IVNS1ABP: variants seen among roughly 807,000 people sequenced by gnomAD.
The protein encoded by IVNS1ABP is influenza virus NS1A-binding protein.
Under a neutral mutation model 78.9 loss-of-function variants are expected in IVNS1ABP, and 25 were observed. The ratio of observed to expected loss-of-function variants is 0.32; its 90% confidence interval spans 0.23 to 0.44. IVNS1ABP has a LOEUF of 0.44. Ranked by LOEUF, IVNS1ABP falls within the 20% of genes least tolerant of loss-of-function variation. IVNS1ABP has a pLI of 1.00. For missense variants in IVNS1ABP, 494 were observed against 768.9 expected (o/e 0.64, Z 4.23); for synonymous variants, 241 against 259.7 (o/e 0.93, Z 0.69).
rs1665524848 is a variant in IVNS1ABP at position 185,299,899 on chromosome 1, A to G, written c.1502-16T>C. 1 of 1,613,600 alleles carries G rather than the reference A, an allele frequency of 6.2e-7. No individual in the cohort carries two copies. The highest frequency in any genetic ancestry group is 8.5e-7 in the Non-Finnish European group (1 of 1,179,734). On this transcript the variant is annotated splice_polypyrimidine_tract_variant and intron_variant, in intron 13 of 14. Coordinates refer to ENST00000367498, the MANE Select transcript of IVNS1ABP (RefSeq NM_006469.5). ...TGGTGTCTCCCTACAAGAAAAGTCA[A>G]GTCAAGATTATTGCTACATCTCCCA...
At chr1:185,306,958 T>C (rs1665754976) in intron 7 of IVNS1ABP, 56 bp downstream of exon 7, 1 of 1,571,648 alleles carries the variant, frequency 6.4e-7, no homozygotes, top group South Asian at 1.1e-5. Context: ...GAATCCTTCA[T>C]GTTATAGCAA....
At chr1:185,300,822 C>T in intron 10 of IVNS1ABP, 150 bp downstream of exon 10, 1 of 697,668 alleles carries the variant, frequency 1.4e-6, no homozygotes, top group East Asian at 2.7e-5. Flanking sequence ...AGACATTGAA[C>T]TGAAGGTTAG....
At position 185,307,512 on chromosome 1, in the gene IVNS1ABP, ACTC is replaced by A. The variant is rs1321758960; in HGVS notation, c.505_507del (p.Glu169del). On this transcript the variant is annotated inframe_deletion, in exon 6 of 15. Transcript: ENST00000367498. ...ACCTTTAGCCTTGGAAGCTTAAGAAACTCCTCCTCTTCAGAAATTTGTAACAAA... is the reference window on the plus strand; with the variant it reads ...ACCTTTAGCCTTGGAAGCTTAAGAAACTCCTCTTCAGAAATTTGTAACAAA... The A allele has an allele frequency of 2.5e-6, 4 of 1,612,660 alleles. No individual in the cohort carries two copies. Among genetic ancestry groups the A allele is most frequent in the Non-Finnish European group, 1.7e-6 (2 of 1,179,466 alleles).
intron 7 of IVNS1ABP, chr1:185,306,718 G>A: frequency 9.8e-7 from 1 of 1,023,194 alleles, no homozygotes; most frequent in African/African-American, 1.7e-5. Flanking sequence ...GAAAAATTAA[G>A]AATCTACAGA....
Position 185,316,946 on chromosome 1 carries a change from GT to G in IVNS1ABP, c.-247+6del. Reference sequence around the variant, plus strand: ...CATCTGTCGTTCGTAGAACCAGCGCGTATTACCTGGTTCATCTCTGAAGAGA... The same window carrying G: ...CATCTGTCGTTCGTAGAACCAGCGCGATTACCTGGTTCATCTCTGAAGAGA... On this transcript the variant is annotated splice_donor_region_variant and intron_variant, in intron 1 of 14. Coordinates refer to ENST00000367498, the MANE Select transcript of IVNS1ABP (RefSeq NM_006469.5). 2.5e-6 allele frequency: 1 copy of G among 398,522 alleles called. No homozygotes were observed. The highest frequency in any genetic ancestry group is 6.3e-4 in the Middle Eastern group (1 of 1,588). The allele number at this position is 398,522 out of a possible 1,614,324, so 24.7% of individuals were successfully genotyped here.
chr1:185,301,386 T>C, intron 9 of IVNS1ABP, 48 bp downstream of exon 9: 6 of 1,603,826 alleles, frequency 3.7e-6, no homozygotes, highest in Non-Finnish European at 3.4e-6. Flanking sequence ...ACACTCCTTC[T>C]TAAAAATAGG....
chr1:185,298,365 C>G lies in IVNS1ABP; in HGVS notation c.1676-77G>C. On this transcript the variant is annotated intron_variant, in intron 14 of 14. Transcript: ENST00000367498. The surrounding 1 kb of genome is among the most constrained non-coding windows in gnomAD (Gnocchi z 4.1). ...AAAACTCCCCTAAATCTGTCTTTTG[C>G]TTAAAAATCAGTGGTTTTAAAAATA... 1.5e-6 allele frequency: 2 copies of G among 1,349,118 alleles called. No individual in the cohort carries two copies. The highest frequency in any genetic ancestry group is 2.0e-6 in the Non-Finnish European group (2 of 985,024). The allele number at this position is 1,349,118 out of a possible 1,614,324, so 83.6% of individuals were successfully genotyped here.
At chr1:185,314,607 AACAAGGAAG>A (rs1665966820) in intron 1 of IVNS1ABP, among the ~76,000 whole-genome samples, 1 of 152,212 alleles carries the variant, frequency 6.6e-6, no homozygotes, top group Non-Finnish European at 1.5e-5. Context: ...GAAGGATTTA[AACAAGGAAG>A]CATAGGGCAT....
chr1:185,308,053 C>T (rs1665786408), intron 5 of IVNS1ABP: 1 of 1,546,396 alleles, frequency 6.5e-7, no homozygotes, highest in South Asian at 1.2e-5. Flanking sequence ...GAAAAGATAA[C>T]TAGGAAATAG....
At chr1:185,308,085 A>G (rs1665787581) in intron 5 of IVNS1ABP, 2 of 1,520,114 alleles carry the variant, frequency 1.3e-6, no homozygotes, top group East Asian at 2.5e-5. Context: ...CAGCAACTAT[A>G]TAAGGGAAAA....
intron 1 of IVNS1ABP, 32 bp downstream of exon 1, chr1:185,316,921 C>T: frequency 2.5e-6 from 1 of 398,380 alleles, no homozygotes; most frequent in Non-Finnish European, 4.4e-6. Context: ...CCGTCTCCCT[C>T]ATCTGTCGTT....
Position 185,305,854 on chromosome 1 carries a change from A to C in IVNS1ABP, c.658-211T>G. The C allele has an allele frequency of 5.9e-6, 3 of 509,290 alleles. No individual in the cohort carries two copies. Among genetic ancestry groups the C allele is most frequent in the Non-Finnish European group, 1.0e-5 (3 of 288,026 alleles). 31.5% of individuals were successfully genotyped at this position (509,290 alleles called of 1,614,324 possible). ...ACAAAAAACCAAAATCAAATACAAA[A>C]TCTTCCAATACTGGCTGAAGAGTCG... On this transcript the variant is annotated intron_variant, in intron 7 of 14. Coordinates refer to ENST00000367498, the MANE Select transcript of IVNS1ABP (RefSeq NM_006469.5). This position sits in a 1 kb window ranked among gnomAD's most constrained non-coding sequence, Gnocchi z 4.0.
chr1:185,312,458 A>G (rs899349436), intron 1 of IVNS1ABP, among the ~76,000 whole-genome samples: 20 of 152,184 alleles, frequency 1.3e-4, no homozygotes, highest in African/African-American at 4.6e-4. Context: ...AAATCTAACA[A>G]TTACGTCAAA....
In IVNS1ABP at chr1:185,298,237, A is replaced by C; in HGVS notation, c.1727T>G (p.Val576Gly). The change falls in exon 15 of 15, where the codon GTG becomes GGG. Residue 576 changes from valine to glycine, a missense_variant. By Grantham distance (109) the Val-to-Gly change is moderately radical. Transcript: ENST00000367498. The surrounding 1 kb of genome is among the most constrained non-coding windows in gnomAD (Gnocchi z 4.1). ...GFDGSHAISC[V>G]EMYDPTRNEW... is the part of the protein sequence containing the mutation. The stretch of plus-strand genomic sequence containing the variant: ...ATTTCTAGTTGGATCATACATTTCC[A>C]CACAACTGATGGCATGAGAACCATC... 1 of 1,613,628 alleles carries C rather than the reference A, an allele frequency of 6.2e-7. No individual in the cohort carries two copies. The highest frequency in any genetic ancestry group is 8.5e-7 in the Non-Finnish European group (1 of 1,179,768).
At chr1:185,300,652 G>A (rs1251816040) in intron 10 of IVNS1ABP, 94 bp from the exon 11 acceptor site, 1 of 1,332,266 alleles carries the variant, frequency 7.5e-7, no homozygotes, top group African/African-American at 1.5e-5. Context: ...TGCACAATGA[G>A]AAAAAGTATT....
intron 1 of IVNS1ABP, among the ~76,000 whole-genome samples, chr1:185,316,194 T>C (rs1250030423): frequency 6.6e-6 from 1 of 152,148 alleles, no homozygotes; most frequent in Non-Finnish European, 1.5e-5. Flanking sequence ...CAGGCCTTCC[T>C]CCTCGCGCAG....
chr1:185,310,154 G>A (rs1665846402), intron 2 of IVNS1ABP, among the ~76,000 whole-genome samples: 1 of 152,142 alleles, frequency 6.6e-6, no homozygotes, highest in African/African-American at 2.4e-5. Context: ...CATATACAGT[G>A]ATTTAAAAAG....
Position 185,305,621 on chromosome 1 carries a change from G to A in IVNS1ABP, c.680C>T (p.Ala227Val), listed in dbSNP as rs751696532. ...GTTCCCATCAAGCAGCTTGTGATCAGCTGAGTAGTACAAGGTTTGAACCTG... is the reference window on the plus strand; with the variant it reads ...GTTCCCATCAAGCAGCTTGTGATCAACTGAGTAGTACAAGGTTTGAACCTG... ...MEEVQTLYYS[A>V]DHKLLDGNLL... Residue 227 changes from alanine (A) to valine (V), a missense_variant, in exon 8 of 15, where the codon GCT becomes GTT. By Grantham distance (64) the Ala-to-Val change is moderately conservative. Coordinates refer to ENST00000367498, the MANE Select transcript of IVNS1ABP (RefSeq NM_006469.5). This position sits in a 1 kb window ranked among gnomAD's most constrained non-coding sequence, Gnocchi z 4.0. 2 of 1,613,180 alleles carry A rather than the reference G, an allele frequency of 1.2e-6. No homozygotes were observed. Among genetic ancestry groups the A allele is most frequent in the Non-Finnish European group, 1.7e-6 (2 of 1,179,498 alleles).
chr1:185,308,165 G>A, intron 5 of IVNS1ABP: 1 of 1,109,004 alleles, frequency 9.0e-7, no homozygotes, highest in East Asian at 2.6e-5. Flanking sequence ...AGTGGTATTA[G>A]AAGAAGGGCT....
Sources: allele counts gnomAD v4.1 joint callset (sites outside exome capture counted in the v4.1 genomes callset), GRCh38; gene constraint gnomAD v4.1.1; non-coding constraint Gnocchi (gnomAD v3.1); transcripts MANE v1.5; gene names NCBI Gene and HGNC (gene_info 2026-07-23, HGNC 2026-07-21).